CISD1: variants seen among roughly 807,000 people sequenced by gnomAD.
CISD1 encodes the protein CDGSH iron-sulfur domain-containing protein 1.
In CISD1, 8 loss-of-function variants were observed where a neutral mutation model predicts 12.0. That is an observed-to-expected ratio of 0.67 (90% CI 0.39 to 1.20). CISD1 has a LOEUF of 1.20. Ranked by LOEUF, CISD1 falls within the 50% of genes most tolerant of loss-of-function variation. The pLI is 0.01. For missense variants in CISD1, 107 were observed against 132.7 expected (o/e 0.81, Z 0.95); for synonymous variants, 38 against 42.2 (o/e 0.90, Z 0.39).
At chr10:58,286,988 A>G (rs1403293674) in intron 2 of CISD1, among the ~76,000 whole-genome samples, 2 of 152,340 alleles carry the variant, frequency 1.3e-5, no homozygotes, top group South Asian at 2.1e-4. Context: ...GCTGGAGTGC[A>G]GTGGCACAAT....
chr10:58,281,726 TG>T (rs1264723135), intron 2 of CISD1, among the ~76,000 whole-genome samples: 8 of 152,218 alleles, frequency 5.3e-5, no homozygotes, highest in African/African-American at 1.9e-4. Context: ...ATTTTACCAA[TG>T]GAAAAAATGT....
Position 58,270,423 on chromosome 10 carries a change from G to A in CISD1, c.31+1119G>A, listed in dbSNP as rs575197994. 1.5e-3 allele frequency among the ~76,000 whole-genome samples: 229 copies of A among 152,214 alleles called. 2 individuals carry two copies. The highest frequency in any genetic ancestry group is 5.3e-3 in the African/African-American group (221 of 41,532). ...GAGGCAGCTTGGTGCATTTAAAATA[G>A]GGTGTGATTTTTGTTTTTGTTTTTT... is the stretch of plus-strand genomic sequence containing the variant. On this transcript the variant is annotated intron_variant, in intron 1 of 2. Transcript: ENST00000333926.
chr10:58,287,117 C>T (rs1839437186), intron 2 of CISD1, among the ~76,000 whole-genome samples: 1 of 152,076 alleles, frequency 6.6e-6, no homozygotes, highest in South Asian at 2.1e-4. Context: ...GACAGGGTTT[C>T]ACCATGTTGG....
chr10:58,274,546 A>G (rs1199480889), intron 1 of CISD1, among the ~76,000 whole-genome samples: 2 of 149,776 alleles, frequency 1.3e-5, no homozygotes, highest in East Asian at 3.9e-4. Flanking sequence ...AAAGAAATGG[A>G]AATTGTTTTC....
chr10:58,276,798 A>G (rs936706111), intron 1 of CISD1, among the ~76,000 whole-genome samples: 1 of 151,278 alleles, frequency 6.6e-6, no homozygotes, highest in Non-Finnish European at 1.5e-5. Context: ...GTTATTTAAA[A>G]TTTACTTATA....
chr10:58,269,226 C>G lies in CISD1; in HGVS notation c.-48C>G. On this transcript the variant is annotated 5_prime_UTR_variant, in exon 1 of 3. Transcript: ENST00000333926. ...TTTACTCTCGCCGGCCGCGCGAACCCGTTTGAGCTCGGTATCCTAGTGCAC... is the reference window on the plus strand; with the variant it reads ...TTTACTCTCGCCGGCCGCGCGAACCGGTTTGAGCTCGGTATCCTAGTGCAC... 1 of 1,597,158 alleles carries G rather than the reference C, an allele frequency of 6.3e-7. No homozygotes were observed. Among genetic ancestry groups the G allele is most frequent in the South Asian group, 1.1e-5 (1 of 90,868 alleles).
Position 58,287,782 on chromosome 10 carries a change from C to A in CISD1, c.*132C>A. 1.9e-4 allele frequency: 66 copies of A among 348,622 alleles called. No homozygotes were observed. The highest frequency in any genetic ancestry group is 8.6e-4 in the Middle Eastern group (1 of 1,168). The allele number at this position is 348,622 out of a possible 1,614,324, so 21.6% of individuals were successfully genotyped here. A position where few individuals can be genotyped will look rare whatever the true frequency, so the allele number is the denominator to read the frequency against. ...GGTATATTGCAAACTGCAGCTTTCA[C>A]ATTTATGGCATTTGTCTTGTTGAAA... On this transcript the variant is annotated 3_prime_UTR_variant, in exon 3 of 3. Transcript: ENST00000333926.
chr10:58,279,855 G>T (rs1305789728), intron 2 of CISD1, among the ~76,000 whole-genome samples: 1 of 152,134 alleles, frequency 6.6e-6, no homozygotes, highest in Non-Finnish European at 1.5e-5. Context: ...CATGAGGCTG[G>T]GTGCAGTGGC....
intron 1 of CISD1, among the ~76,000 whole-genome samples, chr10:58,273,125 CAG>C (rs1029123082): frequency 6.6e-6 from 1 of 151,896 alleles, no homozygotes; most frequent in African/African-American, 2.4e-5. Flanking sequence ...ATATATGTAT[CAG>C]GGAGTAAATT....
At chr10:58,276,658 AG>A (rs764174451) in intron 1 of CISD1, among the ~76,000 whole-genome samples, 29 of 151,766 alleles carry the variant, frequency 1.9e-4, no homozygotes, top group Non-Finnish European at 3.2e-4. Flanking sequence ...AAAATCACTA[AG>A]GGATCTTACT....
At position 58,269,297 on chromosome 10, in the gene CISD1, C is replaced by T; in HGVS notation, c.24C>T (p.Ser8=). The T allele has an allele frequency of 6.2e-7, 1 of 1,608,744 alleles. No homozygotes were observed. The part of the protein sequence containing the change: MSLTSSS[S]VRVEWIAAVT... ...CCATGAGTCTGACTTCCAGTTCCAG[C>T]GTACGAGGTGAAGTGGGGCCTGGGA... Residue 8 remains serine (S), a synonymous_variant, in exon 1 of 3, where the codon AGC becomes AGT. Coordinates refer to ENST00000333926, the MANE Select transcript of CISD1 (RefSeq NM_018464.5).
At chr10:58,285,470 G>T (rs1839417934) in intron 2 of CISD1, among the ~76,000 whole-genome samples, 1 of 152,042 alleles carries the variant, frequency 6.6e-6, no homozygotes, top group South Asian at 2.1e-4. Flanking sequence ...TTCTAAATAG[G>T]CTTCTTCAAA....
At position 58,277,229 on chromosome 10, in the gene CISD1, C is replaced by A. The variant is rs756944108; in HGVS notation, c.144C>A (p.His48Gln). 1.4e-5 allele frequency: 22 copies of A among 1,613,056 alleles called. No homozygotes were observed. The South Asian group carries it at 2.4e-4, about 18-fold the overall frequency. The change falls in exon 2 of 3, where the codon CAC (histidine) becomes CAA (glutamine). Residue 48 changes from histidine (H) to glutamine (Q), a missense_variant. Physicochemically the swap from His to Gln is conservative, Grantham distance 24. Transcript: ENST00000333926. ...DHRNKAMINLHIQKDNPKIVH... is the reference protein window; with the variant it reads ...DHRNKAMINLQIQKDNPKIVH... The stretch of plus-strand genomic sequence containing the variant: ...GAAATAAAGCTATGATAAACCTTCA[C>A]ATCCAGAAAGACAACCCCAAGATAG...
intron 2 of CISD1, among the ~76,000 whole-genome samples, chr10:58,283,774 C>A (rs1315619630): frequency 6.6e-6 from 1 of 152,146 alleles, no homozygotes; most frequent in Non-Finnish European, 1.5e-5. Flanking sequence ...TTTCTTCCCC[C>A]ACTTTTAAAG....
intron 2 of CISD1, among the ~76,000 whole-genome samples, chr10:58,279,473 C>G (rs1839351055): frequency 6.6e-6 from 1 of 152,090 alleles, no homozygotes; most frequent in Non-Finnish European, 1.5e-5. Flanking sequence ...TCCTTTCTCC[C>G]AATAAATCCA....
At chr10:58,277,384 T>C in intron 2 of CISD1, 62 bp downstream of exon 2, 1 of 1,149,800 alleles carries the variant, frequency 8.7e-7, no homozygotes, top group Non-Finnish European at 1.2e-6. Flanking sequence ...TTTAAATTAT[T>C]CTGTCAGACT....
At chr10:58,273,966 T>G (rs2132277647) in intron 1 of CISD1, among the ~76,000 whole-genome samples, 1 of 152,240 alleles carries the variant, frequency 6.6e-6, no homozygotes, top group African/African-American at 2.4e-5. Flanking sequence ...AAACCCCATC[T>G]CTACTAAAAT....
intron 2 of CISD1, among the ~76,000 whole-genome samples, chr10:58,280,999 C>G (rs1232537985): frequency 1.3e-5 from 2 of 152,142 alleles, no homozygotes; most frequent in African/African-American, 4.8e-5. Context: ...TCCGTAGATG[C>G]AACAGTGAAT....
intron 1 of CISD1, among the ~76,000 whole-genome samples, chr10:58,274,778 T>C (rs1037292171): frequency 1.3e-5 from 2 of 151,982 alleles, no homozygotes; most frequent in African/African-American, 4.8e-5. Flanking sequence ...TATTCTGTCC[T>C]GTCTCCCACC....
Sources: gnomAD v4.1 joint callset for allele counts (sites outside exome capture counted in the v4.1 genomes callset) on GRCh38, gnomAD v4.1.1 for gene constraint, MANE v1.5 for transcripts, NCBI Gene and HGNC (gene_info 2026-07-23, HGNC 2026-07-21) for gene names.